The following SLC25A12 variants were observed in gnomAD, a reference collection of about 807,000 sequenced individuals.
The protein encoded by SLC25A12 is solute carrier family 25 member 12, also known as electrogenic aspartate/glutamate antiporter SLC25A12, mitochondrial.
A neutral mutation model predicts 83.3 loss-of-function variants in SLC25A12; 32 were observed. That is an observed-to-expected ratio of 0.38 (90% CI 0.29 to 0.52). The LOEUF (loss-of-function observed/expected upper bound fraction) is 0.52. SLC25A12 is among the 20% of genes least tolerant of loss of function. The pLI, the probability that SLC25A12 is intolerant of heterozygous loss-of-function variation, is 0.84. For synonymous variants in SLC25A12, 267 were observed against 291.1 expected, an observed-to-expected ratio of 0.92 and a Z score of 0.84; for missense variants, 611 against 835.6, an observed-to-expected ratio of 0.73 and a Z score of 3.31.
intron 8 of SLC25A12, among the ~76,000 whole-genome samples, chr2:171,827,302 CT>C (rs34833030): frequency 0.22 from 32,120 of 147,258 alleles, 4,070 homozygotes; most frequent in East Asian, 0.57. Context: ...ATGAGGGAGA[CT>C]TTTTTTTTTT....
At chr2:171,791,649 G>C in intron 14 of SLC25A12, 60 bp from the exon 15 acceptor site, 1 of 1,513,210 alleles carries the variant, frequency 6.6e-7, no homozygotes, top group Non-Finnish European at 9.2e-7. Context: ...ATGCCCAAAT[G>C]GGATCCATGT....
chr2:171,843,531 G>C (rs937962352), intron 5 of SLC25A12, among the ~76,000 whole-genome samples: 1 of 152,054 alleles, frequency 6.6e-6, no homozygotes, highest in Non-Finnish European at 1.5e-5. Flanking sequence ...TAGTTGAGTG[G>C]CTGAGACATG....
At chr2:171,814,214 T>C (rs1368938041) in intron 10 of SLC25A12, among the ~76,000 whole-genome samples, 1 of 152,168 alleles carries the variant, frequency 6.6e-6, no homozygotes, top group East Asian at 1.9e-4. Flanking sequence ...CGTAAGCATT[T>C]TAATCACACC....
intron 9 of SLC25A12, among the ~76,000 whole-genome samples, chr2:171,820,312 T>A (rs544479946): frequency 1.3e-5 from 2 of 152,212 alleles, no homozygotes; most frequent in Non-Finnish European, 2.9e-5. Flanking sequence ...GAGTGGCCTA[T>A]AGCTTTAATA....
intron 13 of SLC25A12, among the ~76,000 whole-genome samples, chr2:171,807,723 A>T (rs1439094890): frequency 2.0e-5 from 3 of 152,234 alleles, no homozygotes; most frequent in African/African-American, 7.2e-5. Flanking sequence ...AAGAAGAGAA[A>T]CTTCATTTTT....
intron 2 of SLC25A12, among the ~76,000 whole-genome samples, chr2:171,874,574 C>G (rs1201013443): frequency 5.3e-5 from 8 of 152,164 alleles, no homozygotes; most frequent in Non-Finnish European, 1.2e-4. Flanking sequence ...GTTCTTTTTG[C>G]CACAGAGGTG....
intron 13 of SLC25A12, among the ~76,000 whole-genome samples, chr2:171,805,617 A>T (rs1683808855): frequency 6.6e-6 from 1 of 152,234 alleles, no homozygotes; most frequent in Non-Finnish European, 1.5e-5. Flanking sequence ...AGTTGGGAAC[A>T]ATAATGAGAT....
chr2:171,881,243 C>T (rs1256877897), intron 2 of SLC25A12, among the ~76,000 whole-genome samples: 2 of 152,020 alleles, frequency 1.3e-5, no homozygotes, highest in African/African-American at 2.4e-5. Flanking sequence ...ACCACCATCT[C>T]CCAGGTTCAA....
At chr2:171,817,129 C>G (rs1234685354) in intron 9 of SLC25A12, among the ~76,000 whole-genome samples, 3 of 152,242 alleles carry the variant, frequency 2.0e-5, no homozygotes, top group Non-Finnish European at 4.4e-5. Flanking sequence ...TCGGCCAGCA[C>G]CTTGATCTTG....
chr2:171,887,170 T>C (rs1685839110), intron 2 of SLC25A12, among the ~76,000 whole-genome samples: 1 of 152,206 alleles, frequency 6.6e-6, no homozygotes, highest in Non-Finnish European at 1.5e-5. Flanking sequence ...TATCTTTCTA[T>C]TAAAAATAAA....
intron 1 of SLC25A12, 131 bp downstream of exon 1, chr2:171,894,072 C>G: frequency 7.8e-7 from 1 of 1,282,008 alleles, no homozygotes; most frequent in Admixed American, 2.0e-5. Flanking sequence ...CTCCCCGCAG[C>G]AAGCCGGAGC....
intron 2 of SLC25A12, among the ~76,000 whole-genome samples, chr2:171,891,198 C>G (rs992568981): frequency 1.3e-5 from 2 of 151,782 alleles, no homozygotes; most frequent in South Asian, 4.2e-4. Context: ...CCCAGCTACT[C>G]GGAGGCAAGA....
chr2:171,877,217 C>A (rs919185386), intron 2 of SLC25A12, among the ~76,000 whole-genome samples: 1 of 152,156 alleles, frequency 6.6e-6, no homozygotes, highest in Admixed American at 6.5e-5. Context: ...TTACACTGAA[C>A]TATCTCTAGC....
chr2:171,812,799 CT>C (rs5836353), intron 11 of SLC25A12, among the ~76,000 whole-genome samples: 41,608 of 143,092 alleles, frequency 0.29, 6,082 homozygotes, highest in African/African-American at 0.37. Context: ...AAGGGTTTTC[CT>C]TTTTTTTTTT....
chr2:171,828,852 G>A (rs1452373070), intron 8 of SLC25A12, among the ~76,000 whole-genome samples: 1 of 152,170 alleles, frequency 6.6e-6, no homozygotes, highest in Non-Finnish European at 1.5e-5. Context: ...GCTCACAGTG[G>A]GTCATCAGTG....
chr2:171,834,125 C>A, intron 7 of SLC25A12, 69 bp from the exon 8 acceptor site: 1 of 867,520 alleles, frequency 1.2e-6, no homozygotes, highest in Non-Finnish European at 2.0e-6. Flanking sequence ...CTACCTTCAC[C>A]AACTATAATA....
At chr2:171,868,042 T>C (rs1218411832) in intron 3 of SLC25A12, among the ~76,000 whole-genome samples, 2 of 152,018 alleles carry the variant, frequency 1.3e-5, no homozygotes, top group Non-Finnish European at 2.9e-5. Flanking sequence ...GAGATGGGGT[T>C]TCACCATGTT....
chr2:171,860,918 C>CA (rs1558935257), intron 3 of SLC25A12, among the ~76,000 whole-genome samples: 1 of 151,826 alleles, frequency 6.6e-6, no homozygotes, highest in Non-Finnish European at 1.5e-5. Context: ...CCTATCTCTA[C>CA]AAAAAATACC....
chr2:171,891,321 A>C, intron 2 of SLC25A12, among the ~76,000 whole-genome samples: 1 of 152,160 alleles, frequency 6.6e-6, no homozygotes, highest in East Asian at 1.9e-4. Context: ...AAGTTGTCAA[A>C]GAGCTAGGGA....
Sources: gnomAD v4.1 joint callset for allele counts (sites outside exome capture counted in the v4.1 genomes callset) on GRCh38, gnomAD v4.1.1 for gene constraint, MANE v1.5 for transcripts, NCBI Gene and HGNC (gene_info 2026-07-23, HGNC 2026-07-21) for gene names.